SMPD3: variants seen among roughly 807,000 people sequenced by gnomAD.
SMPD3 encodes nSMase-2.
In SMPD3, 21 loss-of-function variants were observed where a neutral mutation model predicts 55.7. The observed-to-expected ratio is 0.38, with a 90% CI of 0.27 to 0.54. The LOEUF (loss-of-function observed/expected upper bound fraction) is 0.54. SMPD3 is among the 20% of genes least tolerant of loss of function. The pLI is 0.80. For synonymous variants in SMPD3, 457 were observed against 404.3 expected, an observed-to-expected ratio of 1.13 and a Z score of -1.56; for missense variants, 842 against 899.6, an observed-to-expected ratio of 0.94 and a Z score of 0.82.
intron 1 of SMPD3, among the ~76,000 whole-genome samples, chr16:68,394,014 A>C (rs1473624448): frequency 1.3e-5 from 2 of 152,144 alleles, no homozygotes; most frequent in East Asian, 3.9e-4. Flanking sequence ...ATCTCCCTTC[A>C]CTTCAGCTTG....
chr16:68,362,972 G>A (rs924317567), intron 7 of SMPD3, among the ~76,000 whole-genome samples: 4 of 152,222 alleles, frequency 2.6e-5, no homozygotes, highest in African/African-American at 7.2e-5. Context: ...TCTGCTGTTG[G>A]CCTCTCAGAT....
At chr16:68,381,184 T>G (rs1280239396) in intron 2 of SMPD3, among the ~76,000 whole-genome samples, 4 of 152,122 alleles carry the variant, frequency 2.6e-5, no homozygotes, top group African/African-American at 9.7e-5. Flanking sequence ...CTGCTGAGGG[T>G]TGAGGCCCCG....
At chr16:68,423,291 A>G (rs998520901) in intron 1 of SMPD3, among the ~76,000 whole-genome samples, 3 of 152,140 alleles carry the variant, frequency 2.0e-5, no homozygotes, top group Admixed American at 1.3e-4. Context: ...ACTAGCTGCT[A>G]TGGTTTGAAT....
At chr16:68,395,961 G>T (rs545536292) in intron 1 of SMPD3, among the ~76,000 whole-genome samples, 1 of 152,320 alleles carries the variant, frequency 6.6e-6, no homozygotes, top group South Asian at 2.1e-4. Flanking sequence ...TGTCCCAGGG[G>T]TGCCTCAACT....
intron 1 of SMPD3, among the ~76,000 whole-genome samples, chr16:68,414,201 A>G (rs2090322392): frequency 6.6e-6 from 1 of 152,244 alleles, no homozygotes; most frequent in African/African-American, 2.4e-5. Flanking sequence ...TCGACATTTT[A>G]AAAGGGCACT....
At chr16:68,364,503 G>A (rs564930525) in intron 5 of SMPD3, 8 of 500,326 alleles carry the variant, frequency 1.6e-5, no homozygotes, top group African/African-American at 1.5e-4. Context: ...TGCTTCAGAG[G>A]CCCCCAGCCT....
chr16:68,401,796 G>T (rs772513426), intron 1 of SMPD3, among the ~76,000 whole-genome samples: 1 of 152,142 alleles, frequency 6.6e-6, no homozygotes, highest in African/African-American at 2.4e-5. Flanking sequence ...TGCCTTCGTC[G>T]CAGATCTTTA....
At chr16:68,409,004 T>C (rs1423619847) in intron 1 of SMPD3, among the ~76,000 whole-genome samples, 2 of 152,130 alleles carry the variant, frequency 1.3e-5, no homozygotes, top group East Asian at 3.9e-4. Flanking sequence ...TCCACCTAGG[T>C]CGCTGAGGTC....
At chr16:68,366,330 C>T (rs1164139414) in intron 3 of SMPD3, among the ~76,000 whole-genome samples, 4 of 152,212 alleles carry the variant, frequency 2.6e-5, no homozygotes, top group African/African-American at 9.7e-5. Context: ...CAGCAGGTGC[C>T]CCTGGCTTTC....
Position 68,360,567 on chromosome 16 carries a change from C to T in SMPD3, c.*639G>A, listed in dbSNP as rs2089196968. 1 of 152,954 alleles carries T rather than the reference C, an allele frequency of 6.5e-6. No individual in the cohort carries two copies. Among genetic ancestry groups the T allele is most frequent in the Non-Finnish European group, 1.5e-5 (1 of 68,292 alleles). 9.5% of individuals were successfully genotyped at this position (152,954 alleles called of 1,614,324 possible). On this transcript the variant is annotated 3_prime_UTR_variant, in exon 9 of 9. Coordinates refer to ENST00000219334, the MANE Select transcript of SMPD3 (RefSeq NM_018667.4). ...TTGTGATTAACCTTTTTCTGTTTTT[C>T]TTTTTAAAATGTAATTGCCCTTGAA...
rs539593221 is a variant in SMPD3, at chr16:68,358,465, A to T, written c.*2741T>A. Reference sequence around the variant, plus strand: ...TCTTCTAGGGAAGAACCGTCTGGATATATATTTGATAATGTTTTTACCAAA... The same window carrying T: ...TCTTCTAGGGAAGAACCGTCTGGATTTATATTTGATAATGTTTTTACCAAA... On this transcript the variant is annotated 3_prime_UTR_variant, in exon 9 of 9. Coordinates refer to ENST00000219334, the MANE Select transcript of SMPD3 (RefSeq NM_018667.4). The T allele has an allele frequency of 3.3e-5, 5 of 152,694 alleles. No individual in the cohort carries two copies. Among genetic ancestry groups the T allele is most frequent in the Non-Finnish European group, 7.3e-5 (5 of 68,040 alleles). The allele number at this position is 152,694 out of a possible 1,614,324, so 9.5% of individuals were successfully genotyped here. A position where few individuals can be genotyped will look rare whatever the true frequency, so the allele number is the denominator to read the frequency against.
intron 5 of SMPD3, 112 bp from the exon 6 acceptor site, chr16:68,363,978 T>C (rs575397087): frequency 2.1e-6 from 2 of 956,764 alleles, no homozygotes; most frequent in South Asian, 3.2e-5. Flanking sequence ...CCCCCATCCC[T>C]TAGGCCACTG....
intron 2 of SMPD3, among the ~76,000 whole-genome samples, chr16:68,374,258 G>A (rs867141327): frequency 9.8e-5 from 15 of 152,358 alleles, no homozygotes; most frequent in African/African-American, 3.1e-4. Context: ...GTTTCTGTGG[G>A]GCATGTCAGA....
intron 2 of SMPD3, among the ~76,000 whole-genome samples, chr16:68,376,335 G>A (rs1318133101): frequency 6.6e-6 from 1 of 152,208 alleles, no homozygotes; most frequent in Non-Finnish European, 1.5e-5. Flanking sequence ...CTTTGGCCTA[G>A]TTGGGCCATT....
chr16:68,434,886 G>T (rs767298011), intron 1 of SMPD3, among the ~76,000 whole-genome samples: 3 of 152,118 alleles, frequency 2.0e-5, no homozygotes, highest in Non-Finnish European at 2.9e-5. Flanking sequence ...GGTTTTAAAG[G>T]CCCTATGTTG....
At chr16:68,446,544 G>A (rs1352723168) in intron 1 of SMPD3, among the ~76,000 whole-genome samples, 8 of 151,452 alleles carry the variant, frequency 5.3e-5, no homozygotes, top group African/African-American at 2.4e-5. Flanking sequence ...AGCTCTGGCC[G>A]TGCCACACAC....
chr16:68,388,583 T>C (rs945385943), intron 1 of SMPD3, among the ~76,000 whole-genome samples: 12 of 151,950 alleles, frequency 7.9e-5, no homozygotes, highest in Admixed American at 7.9e-4. Context: ...AGCAGGATCT[T>C]TGGCCTCTGA....
chr16:68,432,022 C>T (rs991178465), intron 1 of SMPD3, among the ~76,000 whole-genome samples: 1 of 150,552 alleles, frequency 6.6e-6, no homozygotes, highest in Non-Finnish European at 1.5e-5. Context: ...GGCTGAGGCA[C>T]GAGAATCACT....
chr16:68,363,879 G>C lies in SMPD3; in HGVS notation c.1556-13C>G. ...TCCAGCTTGTCGTCTGTGCGGGGAG[G>C]GAGGAAACGCTGAGGCACCAGGGGG... On this transcript the variant is annotated splice_polypyrimidine_tract_variant and intron_variant, in intron 5 of 8. Coordinates refer to ENST00000219334, the MANE Select transcript of SMPD3 (RefSeq NM_018667.4). The C allele has an allele frequency of 6.4e-7, 1 of 1,553,010 alleles. No homozygotes were observed.
Sources: gnomAD v4.1 joint callset for allele counts (sites outside exome capture counted in the v4.1 genomes callset) on GRCh38, gnomAD v4.1.1 for gene constraint, MANE v1.5 for transcripts, NCBI Gene and HGNC (gene_info 2026-07-23, HGNC 2026-07-21) for gene names.